The following UNC13B variants were observed in gnomAD, a reference collection of about 807,000 sequenced individuals.
UNC13B encodes unc-13 homolog B, also known as protein unc-13 homolog B.
A neutral mutation model predicts 211.0 loss-of-function variants in UNC13B; 144 were observed. The observed-to-expected ratio is 0.68, with a 90% confidence interval of 0.60 to 0.78. UNC13B has a LOEUF of 0.78. Ranked by LOEUF, UNC13B falls within the 30% of genes least tolerant of loss-of-function variation. The pLI, the probability that UNC13B is intolerant of heterozygous loss-of-function variation, is 0.00. For synonymous variants in UNC13B, 709 were observed against 725.8 expected, an observed-to-expected ratio of 0.98 and a Z score of 0.37; for missense variants, 1,777 against 2,002.0, an observed-to-expected ratio of 0.89 and a Z score of 2.14.
intron 36 of UNC13B, 29 bp downstream of exon 36, chr9:35,399,758 T>G (rs1836163865): frequency 2.5e-6 from 4 of 1,611,010 alleles, no homozygotes; most frequent in Non-Finnish European, 3.4e-6. Context: ...TCAGACAGTC[T>G]TAACCACCAC....
chr9:35,317,094 G>C (rs772777212), intron 11 of UNC13B, among the ~76,000 whole-genome samples: 1 of 151,942 alleles, frequency 6.6e-6, no homozygotes, highest in African/African-American at 2.4e-5. Context: ...ATGAATAAGC[G>C]TACATATGTT....
chr9:35,165,756 C>T (rs1337791906), intron 1 of UNC13B, among the ~76,000 whole-genome samples: 2 of 152,094 alleles, frequency 1.3e-5, no homozygotes, highest in Non-Finnish European at 2.9e-5. Context: ...TTATAGAATT[C>T]ACTTAGTCTT....
In UNC13B at chr9:35,313,993, G is replaced by A. The variant is rs201620579; in HGVS notation, c.9414+4G>A. On this transcript the variant is annotated splice_donor_region_variant and intron_variant, in intron 11 of 39. Transcript: ENST00000635942. ...GGTTCGACTCCAGCTGCAGGAGGTAGGAAATCTGTTCTAGTACTGGTTGGG... is the reference window on the plus strand; with the variant it reads ...GGTTCGACTCCAGCTGCAGGAGGTAAGAAATCTGTTCTAGTACTGGTTGGG... 6.2e-7 allele frequency: 1 copy of A among 1,612,268 alleles called. No homozygotes were observed. The highest frequency in any genetic ancestry group is 1.3e-5 in the African/African-American group (1 of 75,006).
intron 17 of UNC13B, among the ~76,000 whole-genome samples, chr9:35,379,443 G>A (rs142794455): frequency 0.013 from 2,010 of 150,998 alleles, 29 homozygotes; most frequent in Non-Finnish European, 0.018. Context: ...GTGAGACTCC[G>A]TCTAAAAAAA....
chr9:35,254,648 A>G (rs1244050230), intron 6 of UNC13B, among the ~76,000 whole-genome samples: 1 of 151,836 alleles, frequency 6.6e-6, no homozygotes, highest in Non-Finnish European at 1.5e-5. Context: ...GGTACATTCT[A>G]AAAATTACAT....
At chr9:35,198,001 T>A (rs564005419) in intron 1 of UNC13B, among the ~76,000 whole-genome samples, 1 of 151,780 alleles carries the variant, frequency 6.6e-6, no homozygotes, top group Non-Finnish European at 1.5e-5. Flanking sequence ...TTAAAAACTT[T>A]AAAAAACATA....
intron 6 of UNC13B, among the ~76,000 whole-genome samples, chr9:35,255,960 C>G (rs531767916): frequency 1.8e-4 from 28 of 152,210 alleles, no homozygotes; most frequent in African/African-American, 6.7e-4. Flanking sequence ...GTTAGTTCAG[C>G]CTATGCCCAG....
At chr9:35,350,681 C>T (rs896955981) in intron 11 of UNC13B, among the ~76,000 whole-genome samples, 3 of 152,164 alleles carry the variant, frequency 2.0e-5, no homozygotes, top group African/African-American at 7.2e-5. Context: ...TACTGTGCCA[C>T]TTTATTCTAG....
intron 6 of UNC13B, among the ~76,000 whole-genome samples, chr9:35,257,194 C>G (rs750499415): frequency 3.9e-4 from 59 of 151,370 alleles, no homozygotes; most frequent in Non-Finnish European, 7.2e-4. Context: ...TGCAGTGGCT[C>G]ACACCTGTAA....
chr9:35,314,475 A>G (rs1025715313), intron 11 of UNC13B, among the ~76,000 whole-genome samples: 3 of 152,162 alleles, frequency 2.0e-5, no homozygotes, highest in African/African-American at 7.2e-5. Context: ...AATATTTTTC[A>G]TTTTCAGTGT....
chr9:35,389,953 C>G lies in UNC13B; in HGVS notation c.11202C>G (p.Ser3734=). The G allele has an allele frequency of 6.2e-7, 1 of 1,614,072 alleles. No homozygotes were observed. The change falls in exon 25 of 40, where the codon TCC becomes TCG. Residue 3734 remains serine (S), a synonymous_variant. Coordinates refer to ENST00000635942, the MANE Select transcript of UNC13B (RefSeq NM_001371189.2). ...IVSIIEEDKN[S]YTPVLNQFPQ... ...CAATCATAGAGGAAGATAAGAATTCCTACACACCTGTTCTGAACCAGTGAG... is the reference window on the plus strand; with the variant it reads ...CAATCATAGAGGAAGATAAGAATTCGTACACACCTGTTCTGAACCAGTGAG...
At chr9:35,299,757 C>T (rs1286283824) in intron 8 of UNC13B, among the ~76,000 whole-genome samples, 1 of 152,050 alleles carries the variant, frequency 6.6e-6, no homozygotes, top group African/African-American at 2.4e-5. Context: ...TTGTTCTAGT[C>T]TTCTCATTGA....
intron 7 of UNC13B, among the ~76,000 whole-genome samples, chr9:35,287,163 T>G (rs1828846091): frequency 6.6e-6 from 1 of 151,540 alleles, no homozygotes; most frequent in Non-Finnish European, 1.5e-5. Flanking sequence ...GTTGGAGTCT[T>G]AATCTGTTGC....
Position 35,304,056 on chromosome 9 carries a change from A to G in UNC13B, c.4652A>G (p.Tyr1551Cys), listed in dbSNP as rs189344301. Residue 1551 changes from tyrosine to cysteine, a missense_variant, in exon 9 of 40, where the codon TAT becomes TGT. Physicochemically the swap from Tyr to Cys is radical, Grantham distance 194 (BLOSUM62 -2). Transcript: ENST00000635942. Reference sequence around the variant, plus strand: ...CTTCTCACTGATTCTACTGGGCAGTATGCATATTTATTTATACCTGATTCT... The same window carrying G: ...CTTCTCACTGATTCTACTGGGCAGTGTGCATATTTATTTATACCTGATTCT... ...YSLLTDSTGQ[Y>C]AYLFIPDSYQ... 247 of 398,780 alleles carry G rather than the reference A, an allele frequency of 6.2e-4. 1 individual carries two copies. The highest frequency in any genetic ancestry group is 1.0e-3 in the Non-Finnish European group (228 of 225,862). 24.7% of individuals were successfully genotyped at this position (398,780 alleles called of 1,614,324 possible).
intron 26 of UNC13B, among the ~76,000 whole-genome samples, chr9:35,395,978 C>T (rs561640534): frequency 8.9e-4 from 135 of 152,254 alleles, no homozygotes; most frequent in Non-Finnish European, 1.7e-3. Flanking sequence ...TCAACTTGGG[C>T]CCAGTTTGAT....
intron 11 of UNC13B, among the ~76,000 whole-genome samples, chr9:35,335,580 A>G (rs1289251080): frequency 6.6e-6 from 1 of 152,250 alleles, no homozygotes; most frequent in Non-Finnish European, 1.5e-5. Context: ...CAGCCAAAGA[A>G]GACAAGTTAG....
intron 11 of UNC13B, among the ~76,000 whole-genome samples, chr9:35,354,434 T>C (rs1564159451): frequency 6.6e-6 from 1 of 152,164 alleles, no homozygotes; most frequent in African/African-American, 2.4e-5. Context: ...CAGGAGCTGC[T>C]TATAGTGCTG....
In UNC13B at chr9:35,300,959, G is replaced by A. The variant is rs1047103845; in HGVS notation, c.1555G>A (p.Asp519Asn). 1.3e-5 allele frequency: 5 copies of A among 398,830 alleles called. No homozygotes were observed. Among genetic ancestry groups the A allele is most frequent in the African/African-American group, 2.1e-5 (1 of 48,618 alleles). The allele number at this position is 398,830 out of a possible 1,614,324, so 24.7% of individuals were successfully genotyped here. A position where few individuals can be genotyped will look rare whatever the true frequency, so the allele number is the denominator to read the frequency against. Reference sequence around the variant, plus strand: ...ACCACCTTTAACTATTGTCAAGAATGACAAGGACACGGCCATCTCTTTCCC... The same window carrying A: ...ACCACCTTTAACTATTGTCAAGAATAACAAGGACACGGCCATCTCTTTCCC... Reference protein sequence around the residue: ...QIPPLTIVKNDKDTAISFPEL... With the variant: ...QIPPLTIVKNNKDTAISFPEL... The change falls in exon 9 of 40, where the codon GAC becomes AAC. Residue 519 changes from aspartate (D) to asparagine (N), a missense_variant. Asp to Asn is a conservative substitution (Grantham distance 23). Transcript: ENST00000635942.
rs575663740 is a variant in UNC13B, at chr9:35,247,281, C to G, written c.468+3917C>G. Among the ~76,000 whole-genome samples the G allele has an allele frequency of 3.3e-5, 5 of 152,318 alleles. No homozygotes were observed. The East Asian group carries it at 7.7e-4, about 23-fold the overall frequency. On this transcript the variant is annotated intron_variant, in intron 6 of 39. Coordinates refer to ENST00000635942, the MANE Select transcript of UNC13B (RefSeq NM_001371189.2). ...GAGACAGTGGGGTTTTCTAGATATA[C>G]AATCATGTCATCTGCAAACAGGGAC... is the stretch of plus-strand genomic sequence containing the variant.
Sources: gnomAD v4.1 joint callset for allele counts (sites outside exome capture counted in the v4.1 genomes callset) on GRCh38, gnomAD v4.1.1 for gene constraint, MANE v1.5 for transcripts, NCBI Gene and HGNC (gene_info 2026-07-23, HGNC 2026-07-21) for gene names.